WASHC2A: variants seen among roughly 807,000 people sequenced by gnomAD.
WASHC2A encodes the protein WASH complex subunit 2A, also known as WASH complex subunit FAM21A.
Under a neutral mutation model 140.3 loss-of-function variants are expected in WASHC2A, and 82 were observed. The observed-to-expected ratio is 0.58, with a 90% CI of 0.49 to 0.70. The LOEUF (loss-of-function observed/expected upper bound fraction) is 0.70, where lower values mean the gene tolerates loss of function less well. Ranked by LOEUF, WASHC2A falls within the 30% of genes least tolerant of loss-of-function variation. The probability of loss-of-function intolerance (pLI) is 0.00; values close to 1 mark genes in which losing one functional copy is unlikely to be tolerated. For missense variants in WASHC2A, 985 were observed against 1,521.8 expected, an observed-to-expected ratio of 0.65 and a Z score of 5.87; for synonymous variants, 340 against 560.8, an observed-to-expected ratio of 0.61 and a Z score of 5.56.
chr10:50,086,103 T>C (rs1839351680), intron 7 of WASHC2A, among the ~76,000 whole-genome samples: 1 of 150,860 alleles, frequency 6.6e-6, no homozygotes, highest in African/African-American at 2.4e-5. Context: ...AGTTGTTCTT[T>C]AGATGGGATA....
At chr10:50,107,619 A>AG (rs1342013867) in intron 19 of WASHC2A, among the ~76,000 whole-genome samples, 4 of 151,876 alleles carry the variant, frequency 2.6e-5, no homozygotes, top group African/African-American at 9.7e-5. Flanking sequence ...TTGCAAAAAA[A>AG]AATGTATTAA....
At position 50,095,636 on chromosome 10, in the gene WASHC2A, A is replaced by G; in HGVS notation, c.1278A>G (p.Ser426=). ...TGTTTGGTGCTGCCTCCGTTCCATC[A>G]ATGAAGGAGCCACAGAAGCCTGAGC... ...TDVFGAASVP[S]MKEPQKPEQP... is the part of the protein sequence containing the mutation. The change falls in exon 15 of 31, where the codon TCA becomes TCG. Residue 426 remains serine, a synonymous_variant. Transcript: ENST00000282633. The G allele has an allele frequency of 6.2e-7, 1 of 1,611,788 alleles. No homozygotes were observed. The highest frequency in any genetic ancestry group is 1.1e-5 in the South Asian group (1 of 90,972).
At position 50,129,918 on chromosome 10, in the gene WASHC2A, C is replaced by G; in HGVS notation, c.3587C>G (p.Thr1196Arg). The G allele has an allele frequency of 1.2e-6, 2 of 1,612,006 alleles. No homozygotes were observed. The highest frequency in any genetic ancestry group is 1.7e-6 in the Non-Finnish European group (2 of 1,179,848). ...GCTAAACCAAAACCAGCAAAGAAAA[C>G]AAATCCCTTTCCTCTCCTGGAAGAT... ...QSAKPKPAKK[T>R]NPFPLLEDED... The change falls in exon 29 of 31, where the codon ACA (threonine) becomes AGA (arginine). Residue 1196 changes from threonine to arginine, a missense_variant. Coordinates refer to ENST00000282633, the MANE Select transcript of WASHC2A (RefSeq NM_001005751.3).
rs1214596899 is a variant in WASHC2A, at chr10:50,090,515, A to AAAAAAAATATATATATATATAT, written c.733-260_733-259insAAAAAATATATATATATATATA. On this transcript the variant is annotated intron_variant, in intron 8 of 30. Coordinates refer to ENST00000282633, the MANE Select transcript of WASHC2A (RefSeq NM_001005751.3). ...TAGACTCCATCTCAAAAAAAAAAAA[A>AAAAAAAATATATATATATATAT]ATATATATATATATATTTATATTTA... Among the ~76,000 whole-genome samples the AAAAAAAATATATATATATATAT allele has an allele frequency of 8.5e-4, 92 of 108,680 alleles. 1 individual carries two copies. The highest frequency in any genetic ancestry group is 2.9e-3 in the African/African-American group (90 of 30,698). 71.3% of individuals were successfully genotyped at this position (108,680 alleles called of 152,430 possible). A position where few individuals can be genotyped will look rare whatever the true frequency, so the allele number is the denominator to read the frequency against.
chr10:50,084,001 G>GT, intron 5 of WASHC2A, 71 bp from the exon 6 acceptor site: 1 of 1,456,636 alleles, frequency 6.9e-7, no homozygotes, highest in South Asian at 1.2e-5. Flanking sequence ...ATGGAACAGG[G>GT]TATCAGGTGG....
rs781845615 is a variant in WASHC2A, at chr10:50,087,238, G to C, written c.685-37G>C. The C allele has an allele frequency of 1.5e-5, 24 of 1,613,674 alleles. No individual in the cohort carries two copies. The East Asian group carries it at 5.4e-4, about 36-fold the overall frequency. On this transcript the variant is annotated intron_variant, in intron 7 of 30. Coordinates refer to ENST00000282633, the MANE Select transcript of WASHC2A (RefSeq NM_001005751.3). ...AATCATTTCTGTGCTTCTAAGTAAA[G>C]CCCATTTAACAACAAAGCCTTTTCT...
chr10:50,081,558 A>G (rs1236833409), intron 5 of WASHC2A, among the ~76,000 whole-genome samples: 10 of 113,520 alleles, frequency 8.8e-5, no homozygotes, highest in African/African-American at 3.2e-4. Flanking sequence ...GTGAACACAG[A>G]AAGTTACCAC....
At position 50,129,993 on chromosome 10, in the gene WASHC2A, C is replaced by G; in HGVS notation, c.3662C>G (p.Ser1221Cys). 5.0e-6 allele frequency: 8 copies of G among 1,611,926 alleles called. No individual in the cohort carries two copies. Among genetic ancestry groups the G allele is most frequent in the Non-Finnish European group, 6.8e-6 (8 of 1,179,840 alleles). The change falls in exon 29 of 31, where the codon TCC (serine) becomes TGC (cysteine). Residue 1221 changes from serine (S) to cysteine (C), a missense_variant. By Grantham distance (112) the Ser-to-Cys change is moderately radical (BLOSUM62 -1). Coordinates refer to ENST00000282633, the MANE Select transcript of WASHC2A (RefSeq NM_001005751.3). ...AAAGTCAAGAAGAATGAGACAAAAT[C>G]CAATAGTCAGCAGGATGTCATATTA... ...DQKVKKNETKSNSQQDVILTT... is the reference protein window; with the variant it reads ...DQKVKKNETKCNSQQDVILTT...
chr10:50,102,867 TA>T lies in WASHC2A; in HGVS notation c.1636-1174del, dbSNP rs1313818951. ...CATTTTGAAAATTTCTTGATTTTTATATTTTTTAGCTATTTTGAGATGAAAT... is the reference window on the plus strand; with the variant it reads ...CATTTTGAAAATTTCTTGATTTTTATTTTTTTAGCTATTTTGAGATGAAAT... On this transcript the variant is annotated intron_variant, in intron 17 of 30. Coordinates refer to ENST00000282633, the MANE Select transcript of WASHC2A (RefSeq NM_001005751.3). Among the ~76,000 whole-genome samples the T allele has an allele frequency of 9.5e-4, 143 of 151,026 alleles. 1 individual carries two copies. The highest frequency in any genetic ancestry group is 3.4e-3 in the Middle Eastern group (1 of 292).
intron 23 of WASHC2A, among the ~76,000 whole-genome samples, chr10:50,121,172 G>C (rs1462222857): frequency 1.3e-5 from 2 of 150,278 alleles, no homozygotes; most frequent in Non-Finnish European, 2.9e-5. Flanking sequence ...GAAATAAAAG[G>C]CATTCAGATT....
intron 7 of WASHC2A, 125 bp from the exon 8 acceptor site, chr10:50,087,150 T>C: frequency 7.8e-7 from 1 of 1,276,654 alleles, no homozygotes; most frequent in Non-Finnish European, 1.1e-6. Flanking sequence ...ACAAAGAGAC[T>C]GAGTGTCAGA....
intron 16 of WASHC2A, among the ~76,000 whole-genome samples, chr10:50,098,758 A>G (rs1384091327): frequency 2.1e-5 from 3 of 145,170 alleles, no homozygotes; most frequent in African/African-American, 7.7e-5. Flanking sequence ...AGCCACTTGT[A>G]TTGTAGAATG....
At chr10:50,072,729 C>A (rs1334015044) in intron 3 of WASHC2A, among the ~76,000 whole-genome samples, 2 of 152,064 alleles carry the variant, frequency 1.3e-5, no homozygotes. Flanking sequence ...ACCTCATGAT[C>A]CACCCGCCTT....
intron 5 of WASHC2A, 52 bp from the exon 6 acceptor site, chr10:50,084,020 A>C (rs1283984330): frequency 1.6e-5 from 25 of 1,605,502 alleles, no homozygotes; most frequent in Non-Finnish European, 2.0e-5. Context: ...GGCACATGTA[A>C]GTTTGTTTTC....
At chr10:50,078,940 T>C (rs1838633481) in intron 4 of WASHC2A, among the ~76,000 whole-genome samples, 1 of 152,138 alleles carries the variant, frequency 6.6e-6, no homozygotes, top group South Asian at 2.1e-4. Context: ...CCTTGAATTC[T>C]GATATAAGAA....
chr10:50,107,495 T>C lies in WASHC2A; in HGVS notation c.1869+1030T>C, dbSNP rs546681630. ...TAGTAAACATCTTCCTGTGTTATAATAATTCCTCTTTTTTTTTAACATTGT... is the reference window on the plus strand; with the variant it reads ...TAGTAAACATCTTCCTGTGTTATAACAATTCCTCTTTTTTTTTAACATTGT... On this transcript the variant is annotated intron_variant, in intron 19 of 30. Coordinates refer to ENST00000282633, the MANE Select transcript of WASHC2A (RefSeq NM_001005751.3). 8.9e-4 allele frequency among the ~76,000 whole-genome samples: 135 copies of C among 151,830 alleles called. 1 individual carries two copies. The highest frequency in any genetic ancestry group is 1.7e-3 in the Non-Finnish European group (117 of 68,026).
rs782203893 is a variant in WASHC2A at position 50,100,052 on chromosome 10, G to A, written c.1623G>A (p.Glu541=). 3.7e-4 allele frequency: 572 copies of A among 1,538,656 alleles called. No homozygotes were observed. The African/African-American group carries it at 6.5e-3, about 18-fold the overall frequency. The change falls in exon 17 of 31, where the codon GAG becomes GAA. Residue 541 remains glutamate (E), a synonymous_variant. Transcript: ENST00000282633. The stretch of plus-strand genomic sequence containing the variant: ...CTCAAAAAGGCTTATTTTCAGATGA[G>A]GAGGACTCTGAGGTATGGAATTCTT... ...TKTQKGLFSD[E]EDSEDLFSSQ...
chr10:50,077,927 T>G (rs1420197262), intron 3 of WASHC2A, among the ~76,000 whole-genome samples: 1 of 136,758 alleles, frequency 7.3e-6, no homozygotes, highest in Non-Finnish European at 1.5e-5. Flanking sequence ...CTTGCCTCGG[T>G]CTCAGAGAGT....
intron 20 of WASHC2A, among the ~76,000 whole-genome samples, chr10:50,113,111 G>A (rs1217663029): frequency 1.3e-4 from 20 of 152,148 alleles, no homozygotes; most frequent in African/African-American, 4.1e-4. Context: ...GCTCATGCCT[G>A]TAATCCTAAC....
Sources: allele counts gnomAD v4.1 joint callset (sites outside exome capture counted in the v4.1 genomes callset), GRCh38; gene constraint gnomAD v4.1.1; transcripts MANE v1.5; gene names NCBI Gene and HGNC (gene_info 2026-07-23, HGNC 2026-07-21).